PTGER3: variants seen among roughly 807,000 people sequenced by gnomAD.
The protein encoded by PTGER3 is prostaglandin E receptor 3.
In PTGER3, 22 loss-of-function variants were observed where a neutral mutation model predicts 34.7. That is an observed-to-expected ratio of 0.63 (90% confidence interval 0.45 to 0.91). The LOEUF is 0.91. Among genes scored for constraint, PTGER3 ranks in the 40% least tolerant of loss-of-function variants. PTGER3 has a pLI of 0.00. For synonymous variants in PTGER3, 241 were observed against 230.1 expected, an observed-to-expected ratio of 1.05 and a Z score of -0.43; for missense variants, 468 against 519.4, an observed-to-expected ratio of 0.90 and a Z score of 0.96.
intron 1 of PTGER3, among the ~76,000 whole-genome samples, chr1:71,020,962 T>G (rs1479292444): frequency 6.6e-6 from 1 of 152,080 alleles, no homozygotes; most frequent in African/African-American, 2.4e-5. Context: ...GTGATAAGAA[T>G]AATTAATACC....
chr1:71,005,883 AT>A (rs1487946749), intron 2 of PTGER3: 1 of 913,994 alleles, frequency 1.1e-6, no homozygotes, highest in East Asian at 1.2e-4. Context: ...TTATTTATGT[AT>A]TTATTTTAAT....
chr1:71,017,759 G>A lies in PTGER3; in HGVS notation c.898-5275C>T, dbSNP rs531799200. On this transcript the variant is annotated intron_variant, in intron 1 of 3. Transcript: ENST00000306666. The stretch of plus-strand genomic sequence containing the variant: ...TGAGGCCTCCCCAGCCATGCTTCCT[G>A]TACAGCCAGCAGAACCTGTGCTTTT... Among the ~76,000 whole-genome samples, 15 of 152,144 alleles carry A rather than the reference G, an allele frequency of 9.9e-5. No individual in the cohort carries two copies. The South Asian group carries it at 1.2e-3, about 13-fold the overall frequency.
chr1:70,908,185 G>T (rs1461715371), intron 4 of PTGER3, among the ~76,000 whole-genome samples: 2 of 152,176 alleles, frequency 1.3e-5, no homozygotes, highest in Non-Finnish European at 2.9e-5. Flanking sequence ...GTGTCCCCGA[G>T]GAGACAATTA....
At chr1:71,044,509 T>C (rs1386002485) in intron 1 of PTGER3, among the ~76,000 whole-genome samples, 1 of 151,890 alleles carries the variant, frequency 6.6e-6, no homozygotes, top group African/African-American at 2.4e-5. Flanking sequence ...GTTTTTATAA[T>C]TGAATTAATA....
At chr1:70,963,646 G>T (rs930125374) in intron 2 of PTGER3, among the ~76,000 whole-genome samples, 1 of 152,152 alleles carries the variant, frequency 6.6e-6, no homozygotes, top group Non-Finnish European at 1.5e-5. Flanking sequence ...AGGGTGCCAA[G>T]CCCCTGGCCT....
intron 4 of PTGER3, among the ~76,000 whole-genome samples, chr1:70,917,580 G>C (rs1647209747): frequency 6.6e-6 from 1 of 151,932 alleles, no homozygotes; most frequent in South Asian, 2.1e-4. Flanking sequence ...CCAGTAAAGA[G>C]ATTGCTGGAT....
At chr1:70,938,131 T>A (rs1190755982) in intron 4 of PTGER3, among the ~76,000 whole-genome samples, 1 of 152,152 alleles carries the variant, frequency 6.6e-6, no homozygotes, top group Non-Finnish European at 1.5e-5. Flanking sequence ...TCAATGTCAA[T>A]TTTAGCAAAA....
At chr1:71,032,577 C>T (rs1486288937) in intron 1 of PTGER3, among the ~76,000 whole-genome samples, 1 of 152,174 alleles carries the variant, frequency 6.6e-6, no homozygotes, top group Non-Finnish European at 1.5e-5. Context: ...AGGCTGGTTC[C>T]TTAGGAGCAG....
chr1:71,017,017 G>A (rs1247785922), intron 1 of PTGER3, among the ~76,000 whole-genome samples: 2 of 151,930 alleles, frequency 1.3e-5, no homozygotes, highest in Non-Finnish European at 2.9e-5. Context: ...ATCATAGAAG[G>A]CAGAATAATG....
At position 70,912,733 on chromosome 1, in the gene PTGER3, C is replaced by T. The variant is rs530452970; in HGVS notation, c.*23+41030G>A. Among the ~76,000 whole-genome samples the T allele has an allele frequency of 3.9e-5, 6 of 152,116 alleles. No individual in the cohort carries two copies. In the East Asian group the frequency reaches 1.2e-3, roughly 29 times the overall value. On this transcript the variant is annotated intron_variant, in intron 4 of 4. Transcript: ENST00000370931. ...TTTCTAGCCTTTATAGATTTATGTT[C>T]CAGCATCTTTGTTAAAGAGATGATC...
chr1:71,000,913 G>A (rs1482551133), intron 2 of PTGER3, among the ~76,000 whole-genome samples: 1 of 152,204 alleles, frequency 6.6e-6, no homozygotes, highest in Non-Finnish European at 1.5e-5. Context: ...ACTATAATGG[G>A]AGAATGGGTG....
intron 4 of PTGER3, among the ~76,000 whole-genome samples, chr1:70,942,731 A>AAT (rs756854104): frequency 6.6e-6 from 1 of 152,150 alleles, no homozygotes; most frequent in Non-Finnish European, 1.5e-5. Flanking sequence ...TTAAATAAGT[A>AAT]ATTAGGTTAA....
chr1:71,047,696 T>C lies in PTGER3; in HGVS notation c.-119A>G. The C allele has an allele frequency of 1.6e-6, 2 of 1,225,980 alleles. No individual in the cohort carries two copies. Among genetic ancestry groups the C allele is most frequent in the East Asian group, 2.9e-5 (1 of 34,876 alleles). 75.9% of individuals were successfully genotyped at this position (1,225,980 alleles called of 1,614,324 possible). A position where few individuals can be genotyped will look rare whatever the true frequency, so the allele number is the denominator to read the frequency against. ...GCGGCTGGGGCTGGGCTGCCCCCCATGGTGCGGGGCGCAGCCGCCGCCCTA... is the reference window on the plus strand; with the variant it reads ...GCGGCTGGGGCTGGGCTGCCCCCCACGGTGCGGGGCGCAGCCGCCGCCCTA... On this transcript the variant is annotated 5_prime_UTR_variant, in exon 1 of 4. The change abolishes an upstream ATG in the 5' untranslated region. Coordinates refer to ENST00000306666, the MANE Select transcript of PTGER3 (RefSeq NM_198719.2).
At chr1:71,020,144 C>T (rs1037229053) in intron 1 of PTGER3, among the ~76,000 whole-genome samples, 1 of 152,092 alleles carries the variant, frequency 6.6e-6, no homozygotes, top group Non-Finnish European at 1.5e-5. Context: ...GTAGTCTCTC[C>T]AATCTGGTTA....
At chr1:70,964,593 G>A (rs182179153) in intron 2 of PTGER3, among the ~76,000 whole-genome samples, 10 of 152,186 alleles carry the variant, frequency 6.6e-5, no homozygotes, top group East Asian at 5.8e-4. Context: ...GGAAAGACCC[G>A]CCCCATGATT....
intron 4 of PTGER3, among the ~76,000 whole-genome samples, chr1:70,944,860 G>A (rs916583861): frequency 4.6e-5 from 7 of 151,972 alleles, no homozygotes; most frequent in Non-Finnish European, 1.0e-4. Flanking sequence ...AAGGGTTTTG[G>A]GTCCTTGTCA....
intron 4 of PTGER3, among the ~76,000 whole-genome samples, chr1:70,864,953 C>G (rs1222249994): frequency 1.3e-5 from 2 of 152,080 alleles, no homozygotes; most frequent in African/African-American, 4.8e-5. Flanking sequence ...TTCAGAATAC[C>G]TGGTCCAGAA....
intron 2 of PTGER3, among the ~76,000 whole-genome samples, chr1:70,991,697 C>A (rs566252505): frequency 1.8e-4 from 28 of 152,260 alleles, no homozygotes; most frequent in African/African-American, 6.7e-4. Context: ...CCAAAGAAAT[C>A]CTAACTCTAA....
chr1:70,863,781 A>T (rs1162396263), intron 4 of PTGER3, among the ~76,000 whole-genome samples: 1 of 152,190 alleles, frequency 6.6e-6, no homozygotes, highest in African/African-American at 2.4e-5. Flanking sequence ...GTAGAAAGGT[A>T]GGAAAACATA....
Sources: gnomAD v4.1 joint callset for allele counts (sites outside exome capture counted in the v4.1 genomes callset) on GRCh38, gnomAD v4.1.1 for gene constraint, MANE v1.5 for transcripts, NCBI Gene and HGNC (gene_info 2026-07-23, HGNC 2026-07-21) for gene names.